SLC33A1: variants seen among roughly 807,000 people sequenced by gnomAD.
SLC33A1 encodes the protein acetyl-coenzyme A transporter 1.
SLC33A1 carries 20 observed loss-of-function variants against 50.0 expected under a neutral mutation model. The ratio of observed to expected loss-of-function variants is 0.40; its 90% confidence interval spans 0.28 to 0.58. SLC33A1 has a LOEUF of 0.58. SLC33A1 is among the 20% of genes least tolerant of loss of function. The pLI is 0.44. For missense variants in SLC33A1, 476 were observed against 657.0 expected, an observed-to-expected ratio of 0.72 and a Z score of 3.01; for synonymous variants, 265 against 251.8, an observed-to-expected ratio of 1.05 and a Z score of -0.50.
intron 1 of SLC33A1, among the ~76,000 whole-genome samples, chr3:155,845,539 AGAAG>A (rs1753135740): frequency 6.6e-6 from 1 of 152,200 alleles, no homozygotes; most frequent in Admixed American, 6.5e-5. Context: ...ATACATAAAA[AGAAG>A]GAAGTAGTGA....
chr3:155,829,082 A>C (rs1752306281), intron 5 of SLC33A1, among the ~76,000 whole-genome samples: 1 of 151,668 alleles, frequency 6.6e-6, no homozygotes, highest in Non-Finnish European at 1.5e-5. Context: ...TTTGTATTTT[A>C]GTAGAGATGG....
At position 155,829,745 on chromosome 3, in the gene SLC33A1, T is replaced by A; in HGVS notation, c.1425A>T (p.Thr475=). 6.2e-7 allele frequency: 1 copy of A among 1,614,158 alleles called. No individual in the cohort carries two copies. The highest frequency in any genetic ancestry group is 8.5e-7 in the Non-Finnish European group (1 of 1,180,010). The change falls in exon 5 of 6, where the codon ACA becomes ACT. Residue 475 remains threonine (T), a synonymous_variant. Transcript: ENST00000643144. ...TVALWLVDPL[T]VKECVGASNQ... is the part of the protein sequence containing the mutation. ...TTGATGCTCCTACACACTCTTTTAC[T>A]GTGAGGGGATCTACAAGCCAAAGAG... is the stretch of plus-strand genomic sequence containing the variant.
At chr3:155,845,080 A>G (rs947924121) in intron 1 of SLC33A1, 3 of 126,354 alleles carry the variant, frequency 2.4e-5, no homozygotes, top group Non-Finnish European at 4.5e-5. Context: ...ACAAGCCCTG[A>G]AAAAAAAATA....
In SLC33A1 at chr3:155,827,297, G is replaced by GT. The variant is rs1288226168; in HGVS notation, c.*912dup. ...TTTTACTTAATCAGAAAGCTTTACT[G>GT]TTTTTTTCTCTCAGCAATTAAAAAA... On this transcript the variant is annotated 3_prime_UTR_variant, in exon 6 of 6. Transcript: ENST00000643144. The GT allele has an allele frequency of 6.6e-6, 1 of 151,624 alleles. No individual in the cohort carries two copies. The highest frequency in any genetic ancestry group is 1.9e-4 in the East Asian group (1 of 5,174). 9.4% of individuals were successfully genotyped at this position (151,624 alleles called of 1,614,324 possible). A position where few individuals can be genotyped will look rare whatever the true frequency, so the allele number is the denominator to read the frequency against.
At chr3:155,847,025 T>C (rs1753202017) in intron 1 of SLC33A1, among the ~76,000 whole-genome samples, 1 of 151,732 alleles carries the variant, frequency 6.6e-6, no homozygotes, top group African/African-American at 2.4e-5. Flanking sequence ...CTTGCCAACA[T>C]GGTGAAACCC....
chr3:155,841,992 C>T (rs1160603209), intron 2 of SLC33A1, among the ~76,000 whole-genome samples: 2 of 152,186 alleles, frequency 1.3e-5, no homozygotes, highest in Non-Finnish European at 2.9e-5. Context: ...CGGTAATCCA[C>T]CTGCCTCGGC....
At position 155,850,621 on chromosome 3, in the gene SLC33A1, C is replaced by CT. The variant is rs113648327; in HGVS notation, c.775+2601dup. ...GGATTTTAATTTACACTGACTTATT[C>CT]TTTTTTTTTTTTTGAGATGGAGCCT... is the stretch of plus-strand genomic sequence containing the variant. On this transcript the variant is annotated intron_variant, in intron 1 of 5. Coordinates refer to ENST00000643144, the MANE Select transcript of SLC33A1 (RefSeq NM_004733.4). 7.1e-3 allele frequency among the ~76,000 whole-genome samples: 1,021 copies of CT among 144,092 alleles called. 9 individuals are homozygous for CT. Among genetic ancestry groups the CT allele is most frequent in the African/African-American group, 0.02 (800 of 39,650 alleles). 94.5% of individuals were successfully genotyped at this position (144,092 alleles called of 152,430 possible). A position where few individuals can be genotyped will look rare whatever the true frequency, so the allele number is the denominator to read the frequency against.
Position 155,827,744 on chromosome 3 carries a change from T to TA in SLC33A1, c.*465_*466insT. ...ACATAAAATTTAACTAATTTACAAT[T>TA]CAAAATAAGATTTTAACTGCCAACA... On this transcript the variant is annotated 3_prime_UTR_variant, in exon 6 of 6. Transcript: ENST00000643144. 6.5e-6 allele frequency: 1 copy of TA among 154,398 alleles called. No homozygotes were observed. Among genetic ancestry groups the TA allele is most frequent in the Admixed American group, 6.4e-5 (1 of 15,618 alleles). 9.6% of individuals were successfully genotyped at this position (154,398 alleles called of 1,614,324 possible). A position where few individuals can be genotyped will look rare whatever the true frequency, so the allele number is the denominator to read the frequency against.
intron 1 of SLC33A1, among the ~76,000 whole-genome samples, chr3:155,844,425 G>GTATATATA (rs869082007): frequency 4.2e-4 from 14 of 33,622 alleles, no homozygotes; most frequent in African/African-American, 1.6e-3. Context: ...CTACATAAAG[G>GTATATATA]TATATATATA....
At chr3:155,836,493 A>C (rs1277022175) in intron 2 of SLC33A1, among the ~76,000 whole-genome samples, 3 of 152,004 alleles carry the variant, frequency 2.0e-5, no homozygotes, top group Non-Finnish European at 4.4e-5. Context: ...TAAGACATAC[A>C]AACTGACTTT....
At position 155,853,630 on chromosome 3, in the gene SLC33A1, A is replaced by G. The variant is rs1753504309; in HGVS notation, c.368T>C (p.Leu123Ser). ...SFVFWPFSLKLLWAPLVDAVY... is the reference protein window; with the variant it reads ...SFVFWPFSLKSLWAPLVDAVY... ...CGCATCAACCAACGGGGCCCAGAGT[A>G]ATTTGAGACTGAAGGGCCAAAAGAC... The change falls in exon 1 of 6, where the codon TTA becomes TCA. Residue 123 changes from leucine (L) to serine (S), a missense_variant. By Grantham distance (145) the Leu-to-Ser change is moderately radical. Transcript: ENST00000643144. 23 of 1,614,096 alleles carry G rather than the reference A, an allele frequency of 1.4e-5. No homozygotes were observed. The highest frequency in any genetic ancestry group is 1.9e-5 in the Non-Finnish European group (22 of 1,180,058).
chr3:155,841,576 T>C (rs1752939016), intron 2 of SLC33A1, among the ~76,000 whole-genome samples: 1 of 152,136 alleles, frequency 6.6e-6, no homozygotes, highest in Non-Finnish European at 1.5e-5. Flanking sequence ...TAGCCTAACA[T>C]GTTAAAAATA....
intron 5 of SLC33A1, among the ~76,000 whole-genome samples, chr3:155,829,211 A>G (rs1333666936): frequency 6.6e-6 from 1 of 151,990 alleles, no homozygotes; most frequent in Non-Finnish European, 1.5e-5. Flanking sequence ...CCGATTATCT[A>G]TTTTCACGAT....
chr3:155,838,535 G>C (rs1405218453), intron 2 of SLC33A1, among the ~76,000 whole-genome samples: 1 of 151,672 alleles, frequency 6.6e-6, no homozygotes, highest in Non-Finnish European at 1.5e-5. Context: ...ACAAAAATTA[G>C]CCGGGTGTGG....
At chr3:155,830,268 G>A (rs1752370264) in intron 4 of SLC33A1, among the ~76,000 whole-genome samples, 2 of 151,880 alleles carry the variant, frequency 1.3e-5, no homozygotes, top group African/African-American at 2.4e-5. Context: ...AGCTACTTGG[G>A]AGGCTGAGGC....
chr3:155,836,923 A>C (rs1752704275), intron 2 of SLC33A1, among the ~76,000 whole-genome samples: 1 of 152,062 alleles, frequency 6.6e-6, no homozygotes, highest in Non-Finnish European at 1.5e-5. Flanking sequence ...ACAACTTTAC[A>C]AATTTAAAGA....
In SLC33A1 at chr3:155,835,360, G is replaced by A. The variant is rs933235249; in HGVS notation, c.964-1319C>T. Among the ~76,000 whole-genome samples, 2 of 152,146 alleles carry A rather than the reference G, an allele frequency of 1.3e-5. 1 individual carries two copies. The highest frequency in any genetic ancestry group is 1.3e-4 in the Admixed American group (2 of 15,256). The stretch of plus-strand genomic sequence containing the variant: ...ACAGTAGGCAGAAAGAAATTATTTA[G>A]GCAGATAGTGAGGGCAAAAGAGACC... On this transcript the variant is annotated intron_variant, in intron 2 of 5. Coordinates refer to ENST00000643144, the MANE Select transcript of SLC33A1 (RefSeq NM_004733.4).
At chr3:155,843,015 A>C (rs568452293) in intron 1 of SLC33A1, 1 of 151,550 alleles carries the variant, frequency 6.6e-6, no homozygotes, top group African/African-American at 2.4e-5. Flanking sequence ...AAAAAAAAAA[A>C]AAAAAAAGTC....
chr3:155,836,400 T>TA (rs948456855), intron 2 of SLC33A1, among the ~76,000 whole-genome samples: 2 of 140,540 alleles, frequency 1.4e-5, no homozygotes, highest in South Asian at 2.3e-4. Flanking sequence ...AATTTCACCA[T>TA]AAAAAAAATT....
Sources: gnomAD v4.1 joint callset for allele counts (sites outside exome capture counted in the v4.1 genomes callset) on GRCh38, gnomAD v4.1.1 for gene constraint, MANE v1.5 for transcripts, NCBI Gene and HGNC (gene_info 2026-07-23, HGNC 2026-07-21) for gene names.